DTNB: variants seen among roughly 807,000 people sequenced by gnomAD.
The protein encoded by DTNB is dystrobrevin beta.
DTNB carries 63 observed loss-of-function variants against 90.7 expected under a neutral mutation model. The observed-to-expected ratio is 0.69, with a 90% CI of 0.57 to 0.86. The LOEUF (loss-of-function observed/expected upper bound fraction) is 0.86, where lower values mean the gene tolerates loss of function less well. Ranked by LOEUF, DTNB falls within the 40% of genes least tolerant of loss-of-function variation. The probability of loss-of-function intolerance (pLI) is 0.00; values close to 1 mark genes in which losing one functional copy is unlikely to be tolerated. For synonymous variants in DTNB, 277 were observed against 286.7 expected, an observed-to-expected ratio of 0.97 and a Z score of 0.34; for missense variants, 744 against 807.1, an observed-to-expected ratio of 0.92 and a Z score of 0.95.
At chr2:25,602,063 G>A (rs377009884) in intron 5 of DTNB, among the ~76,000 whole-genome samples, 43 of 151,926 alleles carry the variant, frequency 2.8e-4, no homozygotes, top group Non-Finnish European at 5.4e-4. Flanking sequence ...TGGAAGCTGC[G>A]GTGAGCCGAG....
At chr2:25,543,413 C>T (rs2081743140) in intron 8 of DTNB, among the ~76,000 whole-genome samples, 1 of 151,868 alleles carries the variant, frequency 6.6e-6, no homozygotes, top group Non-Finnish European at 1.5e-5. Flanking sequence ...TCAAGTGATT[C>T]TCTGCCTTAG....
chr2:25,598,651 C>G (rs541925631), intron 5 of DTNB, among the ~76,000 whole-genome samples: 1 of 152,160 alleles, frequency 6.6e-6, no homozygotes, highest in Middle Eastern at 3.4e-3. Context: ...CAGGAATTGT[C>G]AAGTTCTAAA....
intron 8 of DTNB, among the ~76,000 whole-genome samples, chr2:25,535,452 C>T (rs888992566): frequency 2.5e-4 from 36 of 141,526 alleles, no homozygotes; most frequent in East Asian, 1.4e-3. Context: ...ACCTCCCATT[C>T]GGGGCAGCCA....
intron 4 of DTNB, among the ~76,000 whole-genome samples, chr2:25,626,487 G>A (rs2074184892): frequency 6.6e-6 from 1 of 152,096 alleles, no homozygotes; most frequent in South Asian, 2.1e-4. Flanking sequence ...ATTTCTGCCG[G>A]GCACAGTGGT....
intron 16 of DTNB, 132 bp downstream of exon 16, chr2:25,419,383 C>T: frequency 1.4e-6 from 2 of 1,392,146 alleles, no homozygotes; most frequent in Non-Finnish European, 2.0e-6. Flanking sequence ...ATGGGGAGAA[C>T]CGCTGGGGGT....
intron 1 of DTNB, among the ~76,000 whole-genome samples, chr2:25,666,241 C>T (rs2084413545): frequency 6.6e-6 from 1 of 152,076 alleles, no homozygotes; most frequent in Admixed American, 6.6e-5. Context: ...ACCTACAACT[C>T]AGAGAGATCT....
At chr2:25,479,885 C>G (rs752831473) in intron 10 of DTNB, among the ~76,000 whole-genome samples, 3 of 152,182 alleles carry the variant, frequency 2.0e-5, no homozygotes, top group Admixed American at 1.3e-4. Context: ...TGGAGAGTAG[C>G]TGCTCTATCT....
chr2:25,453,281 T>C (rs114674335), intron 11 of DTNB, among the ~76,000 whole-genome samples: 9 of 152,242 alleles, frequency 5.9e-5, no homozygotes, highest in African/African-American at 1.9e-4. Context: ...TAATTGGCTA[T>C]GTTTTCTAGC....
intron 4 of DTNB, among the ~76,000 whole-genome samples, chr2:25,614,455 G>C (rs968961846): frequency 5.3e-5 from 8 of 152,166 alleles, no homozygotes; most frequent in Non-Finnish European, 7.3e-5. Flanking sequence ...TAATAAGTGA[G>C]TTTAACAACA....
intron 6 of DTNB, among the ~76,000 whole-genome samples, chr2:25,582,804 T>A (rs1213285303): frequency 6.6e-6 from 1 of 152,194 alleles, no homozygotes; most frequent in Non-Finnish European, 1.5e-5. Flanking sequence ...GATCCAAGAA[T>A]ACTATTGTTT....
intron 2 of DTNB, among the ~76,000 whole-genome samples, chr2:25,651,205 T>C (rs776242356): frequency 5.9e-5 from 9 of 152,256 alleles, no homozygotes; most frequent in African/African-American, 1.4e-4. Context: ...AAGTGCTTTA[T>C]TCACATTATC....
intron 8 of DTNB, among the ~76,000 whole-genome samples, chr2:25,565,438 T>C (rs1010638637): frequency 9.9e-5 from 15 of 152,002 alleles, no homozygotes; most frequent in African/African-American, 2.7e-4. Context: ...TTGGTAGAGA[T>C]AGCGTTTCAC....
intron 2 of DTNB, among the ~76,000 whole-genome samples, chr2:25,646,187 AC>A (rs1487279894): frequency 1.3e-5 from 2 of 151,946 alleles, no homozygotes; most frequent in Non-Finnish European, 2.9e-5. Context: ...CTAATAAGAA[AC>A]ATATTGGCCA....
At chr2:25,672,282 C>T (rs945586425) in intron 1 of DTNB, among the ~76,000 whole-genome samples, 1 of 149,752 alleles carries the variant, frequency 6.7e-6, no homozygotes, top group East Asian at 2.0e-4. Context: ...CAGCAACCTT[C>T]CCTAACACTA....
chr2:25,438,962 T>C (rs553052009), intron 12 of DTNB, among the ~76,000 whole-genome samples: 60 of 152,310 alleles, frequency 3.9e-4, no homozygotes, highest in Non-Finnish European at 7.5e-4. Context: ...AGACAGTCTA[T>C]ATCTGACTAG....
chr2:25,587,525 G>T (rs541058861), intron 6 of DTNB, among the ~76,000 whole-genome samples: 2 of 152,162 alleles, frequency 1.3e-5, no homozygotes, highest in African/African-American at 4.8e-5. Context: ...GACCTGGACC[G>T]ACAGCCCCAC....
chr2:25,387,376 T>C lies in DTNB; in HGVS notation c.1738A>G (p.Thr580Ala). The change falls in exon 18 of 21, where the codon ACG (threonine) becomes GCG (alanine). Residue 580 changes from threonine (T) to alanine (A), a missense_variant and splice_region_variant. Transcript: ENST00000406818. The surrounding 1 kb of genome is among the most constrained non-coding windows in gnomAD (Gnocchi z 4.5). ...AGGTCATTGCGGAGGTTTCTCCTCG[T>C]ACCTGAGGAGAGGCAGAGCAGATGG... is the stretch of plus-strand genomic sequence containing the variant. ...GDVQEAFAQG[T>A]RRNLRNDLLV... The C allele has an allele frequency of 6.2e-7, 1 of 1,611,656 alleles. No individual in the cohort carries two copies. Among genetic ancestry groups the C allele is most frequent in the South Asian group, 1.1e-5 (1 of 90,966 alleles).
rs549501367 is a variant in DTNB, at chr2:25,435,786, A to C, written c.1258-1791T>G. Reference sequence around the variant, plus strand: ...GTCATATGGTAACTGCCTTTTGAGAAACTGCCAAACTGTTTTCAAAAGTGA... The same window carrying C: ...GTCATATGGTAACTGCCTTTTGAGACACTGCCAAACTGTTTTCAAAAGTGA... On this transcript the variant is annotated intron_variant, in intron 12 of 20. Transcript: ENST00000406818. Among the ~76,000 whole-genome samples the C allele has an allele frequency of 3.1e-4, 47 of 152,296 alleles. 1 individual carries two copies. Among genetic ancestry groups the C allele is most frequent in the African/African-American group, 9.6e-4 (40 of 41,576 alleles).
At chr2:25,642,420 A>AT (rs11375139) in intron 2 of DTNB, among the ~76,000 whole-genome samples, 43,399 of 146,570 alleles carry the variant, frequency 0.3, 7,130 homozygotes, top group Non-Finnish European at 0.4. Context: ...CTGGGACACT[A>AT]TTTTTTTTTT....
Sources: gnomAD v4.1 joint callset for allele counts (sites outside exome capture counted in the v4.1 genomes callset) on GRCh38, gnomAD v4.1.1 for gene constraint, Gnocchi (gnomAD v3.1) non-coding constraint, MANE v1.5 for transcripts, NCBI Gene and HGNC (gene_info 2026-07-23, HGNC 2026-07-21) for gene names.